MAST4: variants seen among roughly 807,000 people sequenced by gnomAD.
The protein encoded by MAST4 is microtubule-associated serine/threonine-protein kinase 4.
Under a neutral mutation model 162.7 loss-of-function variants are expected in MAST4, and 89 were observed. The observed-to-expected ratio is 0.55, with a 90% confidence interval of 0.46 to 0.65. MAST4 has a LOEUF of 0.65. Among genes scored for constraint, MAST4 ranks in the 30% least tolerant of loss-of-function variants. MAST4 has a pLI of 0.00. For synonymous variants in MAST4, 1,479 were observed against 1,361.1 expected (o/e 1.09, Z -1.91); for missense variants, 3,153 against 3,374.0 (o/e 0.93, Z 1.62).
Position 66,680,194 on chromosome 5 carries a change from A to G in MAST4, c.364-79515A>G, listed in dbSNP as rs775712246. Among the ~76,000 whole-genome samples, 7 of 152,264 alleles carry G rather than the reference A, an allele frequency of 4.6e-5. No homozygotes were observed. The South Asian group carries it at 1.2e-3, about 27-fold the overall frequency. On this transcript the variant is annotated intron_variant, in intron 1 of 28. Transcript: ENST00000403625. ...TTGTTCTGAACTGGGGTCCCTCCTA[A>G]TTTACTAGTTCCTGGCTCCTTTCAT...
intron 1 of MAST4, among the ~76,000 whole-genome samples, chr5:66,676,827 T>C (rs1402664042): frequency 6.6e-6 from 1 of 152,228 alleles, no homozygotes; most frequent in East Asian, 1.9e-4. Context: ...GTAATTGCTA[T>C]GGGAGTTTAA....
rs1268994519 is a variant in MAST4 at position 67,165,658 on chromosome 5, G to A, written c.6479G>A (p.Gly2160Asp). 3 of 1,602,020 alleles carry A rather than the reference G, an allele frequency of 1.9e-6. No individual in the cohort carries two copies. The highest frequency in any genetic ancestry group is 2.3e-5 in the East Asian group (1 of 44,138). The change falls in exon 29 of 29, where the codon GGC becomes GAC. Residue 2160 changes from glycine (G) to aspartate (D), a missense_variant. This residue lies in a region of MAST4 where 1,644 missense variants were observed against 1,495.0 expected (regional missense o/e 1.10). Coordinates refer to ENST00000403625, the MANE Select transcript of MAST4 (RefSeq NM_001164664.2). ...TGCAGTTCCCCAAGCCACGCTTCTG[G>A]CAGAGAGCCGGGGGCCAAGCCCAGC... ...QHCSSPSHAS[G>D]REPGAKPSTA...
chr5:66,871,569 C>G lies in MAST4; in HGVS notation c.643-28382C>G, dbSNP rs570406074. 2.6e-5 allele frequency among the ~76,000 whole-genome samples: 4 copies of G among 152,320 alleles called. No individual in the cohort carries two copies. In the East Asian group the frequency reaches 7.7e-4, roughly 29 times the overall value. On this transcript the variant is annotated intron_variant, in intron 3 of 28. Transcript: ENST00000403625. ...CATCCCACACAGCTCAACTAAGTCT[C>G]AGGCCAGTTCTGTGTAACAGACTTT...
intron 1 of MAST4, among the ~76,000 whole-genome samples, chr5:66,624,394 C>G (rs1337110706): frequency 6.6e-6 from 1 of 152,046 alleles, no homozygotes; most frequent in Non-Finnish European, 1.5e-5. Flanking sequence ...ACCTCGTGAT[C>G]TGCCCGCCTC....
At chr5:66,788,314 C>T (rs1370150335) in intron 2 of MAST4, among the ~76,000 whole-genome samples, 1 of 152,122 alleles carries the variant, frequency 6.6e-6, no homozygotes, top group East Asian at 1.9e-4. Context: ...TTTCAAAGAA[C>T]ACTTACAAAT....
intron 4 of MAST4, chr5:66,959,327 T>G: frequency 1.3e-6 from 1 of 779,568 alleles, no homozygotes; most frequent in Non-Finnish European, 2.4e-6. Context: ...ATTTTAATGC[T>G]TTCTGCATGG....
At chr5:66,673,033 AT>A (rs1245865357) in intron 1 of MAST4, among the ~76,000 whole-genome samples, 3 of 152,040 alleles carry the variant, frequency 2.0e-5, no homozygotes, top group African/African-American at 7.2e-5. Flanking sequence ...CGTTTCTCTA[AT>A]TACCATTGTT....
At chr5:67,010,853 C>T (rs1752586498) in intron 4 of MAST4, among the ~76,000 whole-genome samples, 1 of 152,188 alleles carries the variant, frequency 6.6e-6, no homozygotes, top group Non-Finnish European at 1.5e-5. Flanking sequence ...GTGGGGGTGT[C>T]ATAACCCAGG....
intron 1 of MAST4, among the ~76,000 whole-genome samples, chr5:66,724,439 C>T (rs62360032): frequency 0.032 from 4,886 of 152,234 alleles, 108 homozygotes; most frequent in Middle Eastern, 0.054. Context: ...TTGGATCATT[C>T]TTGCCCTAGC....
chr5:67,134,672 T>G lies in MAST4; in HGVS notation c.2376T>G (p.Phe792Leu), dbSNP rs1268510590. ...TTGGGGATACTCCAGAGGAGCTATTTGGACAAGTCATCAGTGGTAAATATC... is the reference window on the plus strand; with the variant it reads ...TTGGGGATACTCCAGAGGAGCTATTGGGACAAGTCATCAGTGGTAAATATC... ...PFFGDTPEEL[F>L]GQVISDEINW... The change falls in exon 18 of 29, where the codon TTT becomes TTG. Residue 792 changes from phenylalanine (F) to leucine (L), a missense_variant. Around this residue, in one of 7 missense-constraint regions of MAST4, gnomAD observed 131 missense variants for 253.8 expected, o/e 0.52. Transcript: ENST00000403625. 6.2e-7 allele frequency: 1 copy of G among 1,613,236 alleles called. No homozygotes were observed. Among genetic ancestry groups the G allele is most frequent in the East Asian group, 2.2e-5 (1 of 44,872 alleles).
At chr5:67,059,444 A>G (rs1470197684) in intron 5 of MAST4, among the ~76,000 whole-genome samples, 1 of 152,190 alleles carries the variant, frequency 6.6e-6, no homozygotes, top group South Asian at 2.1e-4. Flanking sequence ...TGAGGAGACC[A>G]TGGTTAGAAT....
chr5:67,017,840 G>T (rs1045954109), intron 4 of MAST4, among the ~76,000 whole-genome samples: 2 of 151,926 alleles, frequency 1.3e-5, no homozygotes, highest in East Asian at 3.9e-4. Context: ...CTTGTGATCC[G>T]GCCACCTCGG....
At chr5:66,762,321 G>A (rs1753890587) in intron 2 of MAST4, among the ~76,000 whole-genome samples, 1 of 151,910 alleles carries the variant, frequency 6.6e-6, no homozygotes, top group Non-Finnish European at 1.5e-5. Context: ...AATTATATTA[G>A]AATATGAAAA....
At chr5:66,788,604 C>CCCCCCAG in intron 2 of MAST4, 66 bp from the exon 3 acceptor site, 3 of 1,337,754 alleles carry the variant, frequency 2.2e-6, no homozygotes, top group East Asian at 2.8e-5. Flanking sequence ...CCACCCCCAC[C>CCCCCCAG]CCCATTGCAA....
intron 3 of MAST4, among the ~76,000 whole-genome samples, chr5:66,845,372 G>A (rs907414409): frequency 7.9e-5 from 12 of 151,556 alleles, no homozygotes; most frequent in Non-Finnish European, 1.6e-4. Context: ...TGCAGTGTTT[G>A]GTTTTTTGTC....
chr5:66,680,739 C>T (rs937056742), intron 1 of MAST4, among the ~76,000 whole-genome samples: 2 of 152,050 alleles, frequency 1.3e-5, no homozygotes, highest in South Asian at 4.2e-4. Context: ...GTGGTGTCAC[C>T]CCCCAAAAAA....
At chr5:67,064,224 G>A (rs1399250665) in intron 5 of MAST4, among the ~76,000 whole-genome samples, 1 of 152,132 alleles carries the variant, frequency 6.6e-6, no homozygotes, top group Admixed American at 6.5e-5. Flanking sequence ...GAGGACACAT[G>A]GCCAGCAGGA....
At position 67,118,769 on chromosome 5, in the gene MAST4, A is replaced by G. The variant is rs1375363069; in HGVS notation, c.1659+20A>G. 9 of 1,440,178 alleles carry G rather than the reference A, an allele frequency of 6.2e-6. No homozygotes were observed. Among genetic ancestry groups the G allele is most frequent in the Non-Finnish European group, 7.6e-6 (8 of 1,048,174 alleles). The allele number at this position is 1,440,178 out of a possible 1,614,324, so 89.2% of individuals were successfully genotyped here. A position where few individuals can be genotyped will look rare whatever the true frequency, so the allele number is the denominator to read the frequency against. ...GTGAGTGTAAGTATATTTCTTGATG[A>G]AATATGATGTTGGTTTTTCTGTTTA... On this transcript the variant is annotated intron_variant, in intron 13 of 28. Coordinates refer to ENST00000403625, the MANE Select transcript of MAST4 (RefSeq NM_001164664.2).
chr5:66,958,469 TGTAAA>T (rs1218280896), intron 4 of MAST4, among the ~76,000 whole-genome samples: 1 of 152,220 alleles, frequency 6.6e-6, no homozygotes, highest in African/African-American at 2.4e-5. Flanking sequence ...AGATTGCTTT[TGTAAA>T]GTATACAGCA....
Sources: gnomAD v4.1 joint callset for allele counts (sites outside exome capture counted in the v4.1 genomes callset) on GRCh38, gnomAD v4.1.1 for gene constraint, gnomAD v4.1.1 regional missense constraint, MANE v1.5 for transcripts, NCBI Gene and HGNC (gene_info 2026-07-23, HGNC 2026-07-21) for gene names.